ERBB4: variants seen among roughly 807,000 people sequenced by gnomAD.
The protein encoded by ERBB4 is erb-b2 receptor tyrosine kinase 4.
Under a neutral mutation model 158.0 loss-of-function variants are expected in ERBB4, and 42 were observed. The observed-to-expected ratio is 0.27, with a 90% CI of 0.21 to 0.34. ERBB4 has a LOEUF of 0.34. Ranked by LOEUF, ERBB4 falls within the 10% of genes least tolerant of loss-of-function variation. ERBB4 has a pLI of 1.00. For synonymous variants in ERBB4, 583 were observed against 558.7 expected (o/e 1.04, Z -0.61); for missense variants, 1,333 against 1,624.1 (o/e 0.82, Z 3.08).
chr2:211,603,946 A>T (rs1316802160), intron 19 of ERBB4, among the ~76,000 whole-genome samples: 1 of 152,238 alleles, frequency 6.6e-6, no homozygotes. Flanking sequence ...TGAATTGTTC[A>T]AGTGGGCATA....
At chr2:212,400,275 C>T (rs1408652459) in intron 1 of ERBB4, among the ~76,000 whole-genome samples, 1 of 152,074 alleles carries the variant, frequency 6.6e-6, no homozygotes, top group Non-Finnish European at 1.5e-5. Context: ...AGGGAACAGG[C>T]CAAGAGGCTA....
At chr2:211,459,888 T>C (rs1040291840) in intron 20 of ERBB4, among the ~76,000 whole-genome samples, 3 of 152,100 alleles carry the variant, frequency 2.0e-5, no homozygotes, top group Non-Finnish European at 4.4e-5. Context: ...GAATAATAAA[T>C]ATATACACAC....
At chr2:212,115,029 T>G (rs969749723) in intron 2 of ERBB4, among the ~76,000 whole-genome samples, 3 of 152,200 alleles carry the variant, frequency 2.0e-5, no homozygotes, top group Non-Finnish European at 4.4e-5. Context: ...GAGGATTTAC[T>G]TTAACATTCA....
intron 19 of ERBB4, among the ~76,000 whole-genome samples, chr2:211,614,364 G>T (rs1477566448): frequency 6.6e-6 from 1 of 151,988 alleles, no homozygotes; most frequent in Non-Finnish European, 1.5e-5. Flanking sequence ...GCACAACGAG[G>T]TTACTATAGT....
intron 1 of ERBB4, among the ~76,000 whole-genome samples, chr2:212,156,683 T>G (rs2081045330): frequency 6.6e-6 from 1 of 152,146 alleles, no homozygotes; most frequent in South Asian, 2.1e-4. Context: ...GTTCTTGTAT[T>G]TGTCACTTTT....
At chr2:212,014,213 A>G (rs1488202684) in intron 2 of ERBB4, among the ~76,000 whole-genome samples, 1 of 152,196 alleles carries the variant, frequency 6.6e-6, no homozygotes, top group Non-Finnish European at 1.5e-5. Flanking sequence ...AAAGTGGAAG[A>G]TTATAGAATG....
intron 2 of ERBB4, among the ~76,000 whole-genome samples, chr2:212,099,738 T>TTTG (rs201516404): frequency 4.0e-4 from 50 of 126,322 alleles, no homozygotes; most frequent in Non-Finnish European, 7.6e-4. Flanking sequence ...GTTTTACAGT[T>TTTG]TTTTTTTTTT....
At position 211,520,513 on chromosome 2, in the gene ERBB4, G is replaced by C. The variant is rs560665647; in HGVS notation, c.2487+41390C>G. 5.3e-5 allele frequency among the ~76,000 whole-genome samples: 8 copies of C among 152,202 alleles called. No individual in the cohort carries two copies. The South Asian group carries it at 6.2e-4, about 12-fold the overall frequency. Reference sequence around the variant, plus strand: ...TTTTAAAGGGATGAAGAAGAAAGAAGAGAAGGGGAGAGGGTTAAGAGAGAG... The same window carrying C: ...TTTTAAAGGGATGAAGAAGAAAGAACAGAAGGGGAGAGGGTTAAGAGAGAG... On this transcript the variant is annotated intron_variant, in intron 20 of 27. Coordinates refer to ENST00000342788, the MANE Select transcript of ERBB4 (RefSeq NM_005235.3).
intron 1 of ERBB4, among the ~76,000 whole-genome samples, chr2:212,433,788 C>T (rs2105949955): frequency 6.6e-6 from 1 of 152,020 alleles, no homozygotes; most frequent in East Asian, 1.9e-4. Flanking sequence ...TTCAACATAA[C>T]AAATCAAACA....
chr2:211,674,219 A>G (rs762225642), intron 13 of ERBB4, among the ~76,000 whole-genome samples: 1 of 152,118 alleles, frequency 6.6e-6, no homozygotes, highest in East Asian at 1.9e-4. Context: ...TAGCTATTTT[A>G]TTATTTTGTG....
At chr2:212,035,976 A>T (rs1256689319) in intron 2 of ERBB4, among the ~76,000 whole-genome samples, 1 of 152,228 alleles carries the variant, frequency 6.6e-6, no homozygotes, top group Non-Finnish European at 1.5e-5. Context: ...TGTACATATG[A>T]ACTCTACCTG....
At chr2:212,363,842 C>G (rs73074257) in intron 1 of ERBB4, among the ~76,000 whole-genome samples, 7,283 of 151,624 alleles carry the variant, frequency 0.048, 431 homozygotes, top group African/African-American at 0.14. Flanking sequence ...CTTTTAAGAA[C>G]TACCAATTTA....
intron 2 of ERBB4, among the ~76,000 whole-genome samples, chr2:212,009,942 A>C (rs2076345177): frequency 6.6e-6 from 1 of 152,152 alleles, no homozygotes; most frequent in South Asian, 2.1e-4. Context: ...CTGTATTCTA[A>C]TTCACCTATC....
intron 2 of ERBB4, among the ~76,000 whole-genome samples, chr2:212,081,759 T>C (rs1419889435): frequency 1.3e-5 from 2 of 152,130 alleles, no homozygotes; most frequent in Non-Finnish European, 2.9e-5. Context: ...CTTTGTGTTC[T>C]TGAAGCAGAA....
intron 1 of ERBB4, among the ~76,000 whole-genome samples, chr2:212,256,655 T>C (rs1317854724): frequency 1.3e-5 from 2 of 152,112 alleles, no homozygotes; most frequent in African/African-American, 2.4e-5. Flanking sequence ...ATCCTTAAAT[T>C]ATAGGTAAAA....
chr2:212,439,931 T>C (rs992737725), intron 1 of ERBB4, among the ~76,000 whole-genome samples: 3 of 152,140 alleles, frequency 2.0e-5, no homozygotes. Context: ...GGTGGGGAGA[T>C]GTACTTGAGT....
At chr2:211,753,716 G>C (rs2075202935) in intron 4 of ERBB4, among the ~76,000 whole-genome samples, 2 of 149,508 alleles carry the variant, frequency 1.3e-5, no homozygotes, top group South Asian at 4.2e-4. Context: ...TTAAGCACAG[G>C]CTTCGATATG....
At chr2:212,467,570 T>C (rs1031029946) in intron 1 of ERBB4, among the ~76,000 whole-genome samples, 3 of 152,162 alleles carry the variant, frequency 2.0e-5, no homozygotes, top group African/African-American at 4.8e-5. Context: ...AAGTCAAGAA[T>C]TGAGATTGGG....
chr2:211,641,815 T>C (rs995520650), intron 16 of ERBB4, among the ~76,000 whole-genome samples: 23 of 152,124 alleles, frequency 1.5e-4, no homozygotes, highest in Non-Finnish European at 1.5e-4. Context: ...TTAGTACTTA[T>C]GTGTCTTAGA....
Sources: gnomAD v4.1 joint callset for allele counts (sites outside exome capture counted in the v4.1 genomes callset) on GRCh38, gnomAD v4.1.1 for gene constraint, MANE v1.5 for transcripts, NCBI Gene and HGNC (gene_info 2026-07-23, HGNC 2026-07-21) for gene names.